TTC23: variants seen among roughly 807,000 people sequenced by gnomAD.
TTC23 encodes tetratricopeptide repeat domain 23, also known as tetratricopeptide repeat protein 23.
Under a neutral mutation model 55.1 loss-of-function variants are expected in TTC23, and 58 were observed. The observed-to-expected ratio is 1.05, with a 90% CI of 0.85 to 1.31. The LOEUF (loss-of-function observed/expected upper bound fraction) is 1.31, where lower values mean the gene tolerates loss of function less well. TTC23 is among the 50% of genes most tolerant of loss of function. The probability of loss-of-function intolerance (pLI) is 0.00; values close to 1 mark genes in which losing one functional copy is unlikely to be tolerated. For synonymous variants in TTC23, 203 were observed against 199.9 expected (o/e 1.02, Z -0.13); for missense variants, 516 against 534.4 (o/e 0.97, Z 0.34).
chr15:99,237,135 C>T (rs1330832367), intron 3 of TTC23, among the ~76,000 whole-genome samples: 1 of 152,092 alleles, frequency 6.6e-6, no homozygotes, highest in African/African-American at 2.4e-5. Context: ...GCGCCCGCCA[C>T]CATGCCCAGC....
chr15:99,176,366 G>C (rs1387559801), intron 9 of TTC23, among the ~76,000 whole-genome samples: 1 of 152,168 alleles, frequency 6.6e-6, no homozygotes, highest in Non-Finnish European at 1.5e-5. Flanking sequence ...ACTCCCAGCA[G>C]TTTGGGGGAC....
intron 4 of TTC23, among the ~76,000 whole-genome samples, chr15:99,230,234 AATT>A (rs2078824786): frequency 6.6e-6 from 1 of 152,190 alleles, no homozygotes; most frequent in South Asian, 2.1e-4. Context: ...TAGATAGAAA[AATT>A]ATGTGTGAAG....
At chr15:99,191,345 G>C (rs2075237886) in intron 9 of TTC23, among the ~76,000 whole-genome samples, 1 of 152,194 alleles carries the variant, frequency 6.6e-6, no homozygotes, top group African/African-American at 2.4e-5. Flanking sequence ...ACCAAACTCA[G>C]ATCTTTGAAT....
intron 4 of TTC23, among the ~76,000 whole-genome samples, chr15:99,234,716 A>G (rs2079177132): frequency 6.6e-6 from 1 of 152,172 alleles, no homozygotes; most frequent in African/African-American, 2.4e-5. Context: ...CAAAGAAGAT[A>G]TACCAAGAAC....
chr15:99,239,464 G>A (rs570459831), intron 3 of TTC23, among the ~76,000 whole-genome samples: 1 of 152,076 alleles, frequency 6.6e-6, no homozygotes, highest in South Asian at 2.1e-4. Flanking sequence ...CAGCCTGGGT[G>A]ATAGAGTGAG....
At chr15:99,241,760 G>A (rs1056217643) in intron 2 of TTC23, among the ~76,000 whole-genome samples, 2 of 152,294 alleles carry the variant, frequency 1.3e-5, no homozygotes, top group African/African-American at 2.4e-5. Context: ...GGTGTGAACC[G>A]TTGGAGGCTG....
chr15:99,139,332 A>G lies in TTC23; in HGVS notation c.1211T>C (p.Met404Thr). The G allele has an allele frequency of 9.3e-6, 15 of 1,613,508 alleles. No individual in the cohort carries two copies. Among genetic ancestry groups the G allele is most frequent in the Non-Finnish European group, 1.3e-5 (15 of 1,180,036 alleles). Reference protein sequence around the residue: ...DKRTLATQQAMGMLSTAPKVA... With the variant: ...DKRTLATQQATGMLSTAPKVA... The stretch of plus-strand genomic sequence containing the variant: ...GCCAACTCACGTGGACAGCATGCCC[A>G]TGGCCTGCTGGGTGGCCAGAGTCCT... The change falls in exon 13 of 14, where the codon ATG becomes ACG. Residue 404 changes from methionine to threonine, a missense_variant. Met to Thr is a moderately conservative substitution (Grantham distance 81). Transcript: ENST00000394132.
At chr15:99,199,585 G>A (rs1428668807) in intron 9 of TTC23, among the ~76,000 whole-genome samples, 2 of 151,496 alleles carry the variant, frequency 1.3e-5, no homozygotes, top group Non-Finnish European at 3.0e-5. Flanking sequence ...AACTCTAGGT[G>A]GCTTCAGGTG....
intron 8 of TTC23, among the ~76,000 whole-genome samples, chr15:99,205,592 T>C (rs2076561516): frequency 6.6e-6 from 1 of 150,612 alleles, no homozygotes; most frequent in Admixed American, 6.6e-5. Flanking sequence ...ACTTTCTTGT[T>C]TTTTTTTTTC....
chr15:99,235,708 A>T (rs71403439), intron 3 of TTC23, among the ~76,000 whole-genome samples: 8,515 of 152,254 alleles, frequency 0.056, 304 homozygotes, highest in Admixed American at 0.12. Flanking sequence ...CAGTGACATT[A>T]AGTAAATTCA....
chr15:99,205,179 C>T (rs2076523061), intron 8 of TTC23, among the ~76,000 whole-genome samples: 1 of 152,262 alleles, frequency 6.6e-6, no homozygotes, highest in East Asian at 1.9e-4. Context: ...ATGCCAGTAT[C>T]ATGCTGTTTT....
chr15:99,222,940 T>C (rs568333165), intron 5 of TTC23, among the ~76,000 whole-genome samples: 1 of 152,154 alleles, frequency 6.6e-6, no homozygotes, highest in East Asian at 1.9e-4. Flanking sequence ...GAGCTTGCAG[T>C]GAGCCGATAT....
rs2067958295 is a variant in TTC23, at chr15:99,139,417, G to A, written c.1144-18C>T. Reference sequence around the variant, plus strand: ...TGGAGACACTGTAGAACACCAAGCAGCTATCATGAGGCTATGGAAGTGTCG... The same window carrying A: ...TGGAGACACTGTAGAACACCAAGCAACTATCATGAGGCTATGGAAGTGTCG... On this transcript the variant is annotated intron_variant, in intron 12 of 13. Transcript: ENST00000394132. The A allele has an allele frequency of 9.3e-6, 15 of 1,613,970 alleles. No individual in the cohort carries two copies. Among genetic ancestry groups the A allele is most frequent in the Non-Finnish European group, 1.3e-5 (15 of 1,180,012 alleles).
intron 9 of TTC23, among the ~76,000 whole-genome samples, chr15:99,181,148 C>G (rs1374929937): frequency 6.6e-6 from 1 of 152,248 alleles, no homozygotes; most frequent in Non-Finnish European, 1.5e-5. Context: ...AACAGAGACT[C>G]AGACTAAGGC....
At chr15:99,237,753 A>G (rs2079441348) in intron 3 of TTC23, among the ~76,000 whole-genome samples, 3 of 152,136 alleles carry the variant, frequency 2.0e-5, no homozygotes, top group African/African-American at 7.2e-5. Flanking sequence ...TATGCTCATT[A>G]TCTTGACTGG....
intron 9 of TTC23, among the ~76,000 whole-genome samples, chr15:99,189,931 CTT>C (rs2075082410): frequency 6.6e-6 from 1 of 152,130 alleles, no homozygotes; most frequent in South Asian, 2.1e-4. Context: ...AATCCCAGCA[CTT>C]TGGGAGGCTG....
At chr15:99,183,497 A>ATTT (rs56660145) in intron 9 of TTC23, among the ~76,000 whole-genome samples, 6 of 100,834 alleles carry the variant, frequency 6.0e-5, no homozygotes, top group South Asian at 3.5e-4. Flanking sequence ...GATTTTTTGT[A>ATTT]TTTTTTTTTT....
intron 8 of TTC23, among the ~76,000 whole-genome samples, chr15:99,213,690 G>A (rs1342464497): frequency 1.3e-5 from 2 of 152,146 alleles, no homozygotes; most frequent in Non-Finnish European, 2.9e-5. Context: ...TTTGCATCTG[G>A]CTTCTTTCAC....
At chr15:99,205,311 AT>A (rs200071486) in intron 8 of TTC23, among the ~76,000 whole-genome samples, 12 of 149,864 alleles carry the variant, frequency 8.0e-5, no homozygotes, top group East Asian at 3.9e-4. Context: ...AAACTTTAGG[AT>A]TTTTTTTTTC....
Sources: gnomAD v4.1 joint callset for allele counts (sites outside exome capture counted in the v4.1 genomes callset) on GRCh38, gnomAD v4.1.1 for gene constraint, MANE v1.5 for transcripts, NCBI Gene and HGNC (gene_info 2026-07-23, HGNC 2026-07-21) for gene names.